EPB41L4B: variants seen among roughly 807,000 people sequenced by gnomAD.
EPB41L4B encodes the protein band 4.1-like protein 4B.
A neutral mutation model predicts 112.5 loss-of-function variants in EPB41L4B; 30 were observed. The observed-to-expected ratio is 0.27, with a 90% CI of 0.20 to 0.36. EPB41L4B has a LOEUF of 0.36. Among genes scored for constraint, EPB41L4B ranks in the 10% least tolerant of loss-of-function variants. EPB41L4B has a pLI of 1.00. For missense variants in EPB41L4B, 1,024 were observed against 1,133.3 expected, an observed-to-expected ratio of 0.90 and a Z score of 1.38; for synonymous variants, 408 against 439.7, an observed-to-expected ratio of 0.93 and a Z score of 0.90.
intron 14 of EPB41L4B, among the ~76,000 whole-genome samples, chr9:109,245,026 G>A (rs964997579): frequency 2.0e-4 from 31 of 152,160 alleles, no homozygotes; most frequent in African/African-American, 6.8e-4. Context: ...AGCAGACTCT[G>A]CAGCCCCCGG....
rs1162155385 is a variant in EPB41L4B, at chr9:109,174,678, C to A, written c.2634-55G>T. The A allele has an allele frequency of 4.0e-6, 6 of 1,496,202 alleles. No individual in the cohort carries two copies. The African/African-American group carries it at 5.5e-5, about 14-fold the overall frequency. The allele number at this position is 1,496,202 out of a possible 1,614,324, so 92.7% of individuals were successfully genotyped here. A position where few individuals can be genotyped will look rare whatever the true frequency, so the allele number is the denominator to read the frequency against. ...GACAATCCCTCAAAAATTGCAGAAG[C>A]AGACAGCTTAAGTATCATCTCCCAG... On this transcript the variant is annotated intron_variant, in intron 25 of 25. Transcript: ENST00000374566.
At chr9:109,253,288 C>T (rs577816094) in intron 12 of EPB41L4B, among the ~76,000 whole-genome samples, 153 bp downstream of exon 12, 13 of 152,122 alleles carry the variant, frequency 8.5e-5, no homozygotes, top group Non-Finnish European at 1.5e-4. Context: ...GGCCAGGTCC[C>T]GTTAAAAGAA....
At chr9:109,251,424 C>G in intron 13 of EPB41L4B, 57 bp downstream of exon 13, 1 of 1,541,012 alleles carries the variant, frequency 6.5e-7, no homozygotes, top group South Asian at 1.1e-5. Context: ...GTCAACATTG[C>G]AAATAAATAC....
chr9:109,234,616 G>GT (rs1277244198), intron 15 of EPB41L4B, among the ~76,000 whole-genome samples: 1 of 152,242 alleles, frequency 6.6e-6, no homozygotes, highest in Non-Finnish European at 1.5e-5. Flanking sequence ...TGTAAACCCA[G>GT]TATTTGGGGA....
intron 1 of EPB41L4B, among the ~76,000 whole-genome samples, chr9:109,312,135 G>C (rs1043036890): frequency 1.3e-5 from 2 of 152,158 alleles, no homozygotes; most frequent in Non-Finnish European, 2.9e-5. Context: ...AAGAAATGTG[G>C]ATGGGGAGGA....
intron 1 of EPB41L4B, among the ~76,000 whole-genome samples, chr9:109,295,815 G>A (rs1392872098): frequency 6.6e-6 from 1 of 151,938 alleles, no homozygotes; most frequent in Non-Finnish European, 1.5e-5. Context: ...TAAAAAAGTG[G>A]TTTAGGTAAT....
chr9:109,199,684 T>C (rs1832757530), intron 20 of EPB41L4B, among the ~76,000 whole-genome samples: 2 of 152,128 alleles, frequency 1.3e-5, no homozygotes, highest in African/African-American at 2.4e-5. Context: ...AAAAAAGTGA[T>C]GGGATGTCAG....
intron 1 of EPB41L4B, among the ~76,000 whole-genome samples, chr9:109,285,478 G>T (rs1176680432): frequency 6.6e-6 from 1 of 152,118 alleles, no homozygotes; most frequent in East Asian, 1.9e-4. Context: ...AAATATATCT[G>T]TAACTGCCCC....
intron 22 of EPB41L4B, among the ~76,000 whole-genome samples, chr9:109,190,989 G>C (rs577899824): frequency 2.6e-5 from 4 of 152,314 alleles, no homozygotes; most frequent in South Asian, 4.1e-4. Flanking sequence ...GCGGAGGCAG[G>C]CCTGGTCCCC....
chr9:109,204,347 A>G (rs945060103), intron 18 of EPB41L4B, among the ~76,000 whole-genome samples: 11 of 109,052 alleles, frequency 1.0e-4, no homozygotes, highest in African/African-American at 3.3e-4. Context: ...ATCACAACAT[A>G]CAGAGCTTGG....
intron 1 of EPB41L4B, among the ~76,000 whole-genome samples, chr9:109,290,861 G>C (rs1459301713): frequency 1.1e-4 from 16 of 151,636 alleles, no homozygotes; most frequent in Non-Finnish European, 2.9e-5. Context: ...GTTTACTCTT[G>C]GACATCATAA....
intron 1 of EPB41L4B, among the ~76,000 whole-genome samples, chr9:109,297,400 C>T (rs149877515): frequency 6.2e-4 from 94 of 152,310 alleles, no homozygotes; most frequent in African/African-American, 2.1e-3. Context: ...AGTTAGAGGG[C>T]AGGTTTGAAG....
intron 1 of EPB41L4B, among the ~76,000 whole-genome samples, chr9:109,285,311 G>A (rs1410434648): frequency 6.6e-6 from 1 of 152,204 alleles, no homozygotes; most frequent in Non-Finnish European, 1.5e-5. Flanking sequence ...ATGGCTCTTA[G>A]TGTAGAAGGG....
chr9:109,240,441 T>C (rs569886542), intron 15 of EPB41L4B: 1 of 985,400 alleles, frequency 1.0e-6, no homozygotes, highest in Admixed American at 6.1e-5. Flanking sequence ...ATGTCAAACA[T>C]TTTTTAGAGG....
chr9:109,217,735 C>A (rs1364036739), intron 15 of EPB41L4B, among the ~76,000 whole-genome samples: 1 of 152,134 alleles, frequency 6.6e-6, no homozygotes, highest in Non-Finnish European at 1.5e-5. Context: ...CCATGCCTGG[C>A]TAATTTTTAA....
rs1837808852 is a variant in EPB41L4B, at chr9:109,320,203, T to G, written c.244A>C (p.Lys82Gln). 1 of 1,439,224 alleles carries G rather than the reference T, an allele frequency of 6.9e-7. No homozygotes were observed. 89.2% of individuals were successfully genotyped at this position (1,439,224 alleles called of 1,614,324 possible). Residue 82 changes from lysine (K) to glutamine (Q), a missense_variant, in exon 1 of 26, where the codon AAG (lysine) becomes CAG (glutamine). By Grantham distance (53) the Lys-to-Gln change is moderately conservative (BLOSUM62 1). Transcript: ENST00000374566. ...AAGACGCGGCAGTAGAGGGTGGCCT[T>G]GGCGGCGCCGGCGGCGGAGATGTGC... Reference protein sequence around the residue: ...AVHISAAGAAKATLYCRVFLL... With the variant: ...AVHISAAGAAQATLYCRVFLL...
chr9:109,304,415 C>A (rs1336885983), intron 1 of EPB41L4B, among the ~76,000 whole-genome samples: 1 of 152,184 alleles, frequency 6.6e-6, no homozygotes, highest in Non-Finnish European at 1.5e-5. Context: ...CACAATCAAC[C>A]CCAGGAATTC....
chr9:109,288,721 T>TAAA, intron 1 of EPB41L4B, among the ~76,000 whole-genome samples: 1 of 5,950 alleles, frequency 1.7e-4, no homozygotes, highest in Non-Finnish European at 2.3e-4. Flanking sequence ...AGACTCCGTC[T>TAAA]CAAAAAAAAA....
At chr9:109,182,879 T>C (rs1316282472) in intron 23 of EPB41L4B, 82 bp from the exon 24 acceptor site, 12 of 1,004,188 alleles carry the variant, frequency 1.2e-5, no homozygotes, top group Non-Finnish European at 1.9e-5. Context: ...ACCTTTAAAA[T>C]GGAACCAAAG....
Sources: gnomAD v4.1 joint callset for allele counts (sites outside exome capture counted in the v4.1 genomes callset) on GRCh38, gnomAD v4.1.1 for gene constraint, MANE v1.5 for transcripts, NCBI Gene and HGNC (gene_info 2026-07-23, HGNC 2026-07-21) for gene names.